Variants in FAM107A observed in about 807,000 individuals in gnomAD.
FAM107A encodes the protein actin-associated protein FAM107A.
Under a neutral mutation model 13.7 loss-of-function variants are expected in FAM107A, and 19 were observed. That is an observed-to-expected ratio of 1.38 (90% CI 0.97 to 2.03). The LOEUF is 2.03. Among genes scored for constraint, FAM107A ranks in the 30% most tolerant of loss-of-function variants. The pLI, the probability that FAM107A is intolerant of heterozygous loss-of-function variation, is 0.00. For synonymous variants in FAM107A, 82 were observed against 74.5 expected (o/e 1.10, Z -0.52); for missense variants, 203 against 184.4 (o/e 1.10, Z -0.58).
exon 1 of FAM107A, chr3:58,587,017 C>G: frequency 7.2e-7 from 1 of 1,388,184 alleles, no homozygotes; most frequent in Non-Finnish European, 9.3e-7. Context: ...GCCGAAGCGC[C>G]TCCGCGACGG....
rs186820381 is a variant in FAM107A, at chr3:58,616,483, G to C, written c.-70+10933C>G. Among the ~76,000 whole-genome samples, 10 of 150,612 alleles carry C rather than the reference G, an allele frequency of 6.6e-5. No individual in the cohort carries two copies. The East Asian group carries it at 2.0e-3, about 30-fold the overall frequency. ...AGTCAAGTTAAGATGAGGTCATTAG[G>C]GTAGGCCCTAATTGAATCTGACTGG... On this transcript the variant is annotated intron_variant, in intron 1 of 3. Coordinates refer to the FAM107A transcript ENST00000465970.
chr3:58,570,768 G>C (rs1228631486), intron 1 of FAM107A, among the ~76,000 whole-genome samples: 1 of 152,230 alleles, frequency 6.6e-6, no homozygotes, highest in Non-Finnish European at 1.5e-5. Context: ...TGCAGAGGTT[G>C]AGCTCCTATT....
chr3:58,582,987 T>C (rs150708235), intron 1 of FAM107A, among the ~76,000 whole-genome samples: 16,623 of 152,078 alleles, frequency 0.11, 1,047 homozygotes, highest in African/African-American at 0.16. Context: ...TTGGTAGAGA[T>C]GGGGTTTCAC....
rs1483550029 is a variant in FAM107A, at chr3:58,586,952, A to G, written c.-16T>C. ...TCTGCGCCATGCCCCCGCGCCTCCT[A>G]CTGCAGAGCCAGCACTGCTGGCCCC... On this transcript the variant is annotated 5_prime_UTR_variant, in exon 1 of 4. Coordinates refer to the FAM107A transcript ENST00000447756. 2.6e-6 allele frequency: 4 copies of G among 1,523,480 alleles called. No homozygotes were observed. The Admixed American group carries it at 6.0e-5, about 23-fold the overall frequency. 94.4% of individuals were successfully genotyped at this position (1,523,480 alleles called of 1,614,324 possible). A position where few individuals can be genotyped will look rare whatever the true frequency, so the allele number is the denominator to read the frequency against.
intron 3 of FAM107A, chr3:58,566,952 A>C: frequency 3.3e-6 from 2 of 609,806 alleles, no homozygotes; most frequent in Non-Finnish European, 5.8e-6. Flanking sequence ...GGCTCACAAG[A>C]CAGTTATAAG....
Position 58,604,765 on chromosome 3 carries a change from C to G in FAM107A, c.-69-15496G>C, listed in dbSNP as rs2065779278. 6.6e-6 allele frequency among the ~76,000 whole-genome samples: 1 copy of G among 152,190 alleles called. No homozygotes were observed. The highest frequency in any genetic ancestry group is 1.5e-5 in the Non-Finnish European group (1 of 68,036). On this transcript the variant is annotated intron_variant, in intron 1 of 3. Coordinates refer to the FAM107A transcript ENST00000465970. This position sits in a 1 kb window ranked among gnomAD's most constrained non-coding sequence, Gnocchi z 4.1. ...GCTTCAGGGTCTTCATCTACTAACT[C>G]TGACCTCCAGACCATCTTGGAGTTA...
chr3:58,611,495 T>C (rs2065853636), intron 1 of FAM107A, among the ~76,000 whole-genome samples: 1 of 152,224 alleles, frequency 6.6e-6, no homozygotes, highest in African/African-American at 2.4e-5. Context: ...TTCCGCATCA[T>C]CTGTTTATGG....
chr3:58,594,251 T>C (rs4681870), intron 1 of FAM107A, among the ~76,000 whole-genome samples: 50,555 of 151,998 alleles, frequency 0.33, 9,243 homozygotes, highest in East Asian at 0.62. Context: ...CTGCATTTCA[T>C]TCCATCCTTG....
chr3:58,615,644 C>G (rs1250366220), intron 1 of FAM107A, among the ~76,000 whole-genome samples: 1 of 151,992 alleles, frequency 6.6e-6, no homozygotes, highest in East Asian at 1.9e-4. Flanking sequence ...GCCTGTAATC[C>G]CAGCACTTTG....
intron 2 of FAM107A, among the ~76,000 whole-genome samples, chr3:58,568,250 C>T (rs1577018594): frequency 1.3e-5 from 2 of 152,170 alleles, no homozygotes; most frequent in Admixed American, 6.5e-5. Flanking sequence ...CTGGCTAACA[C>T]AGTGAAACCC....
rs1308854071 is a variant in FAM107A, at chr3:58,577,302, G to T, written c.-6+7C>A. On this transcript the variant is annotated splice_region_variant and intron_variant, in intron 1 of 3. Coordinates refer to ENST00000360997, the MANE Select transcript of FAM107A (RefSeq NM_001076778.3). The surrounding 1 kb of genome is among the most constrained non-coding windows in gnomAD (Gnocchi z 4.9). ...CAGCAGATGAAACAGAACAGAGATG[G>T]TCTTACTTCTCAGGTCGAGTCCTTG... The T allele has an allele frequency of 9.1e-6, 9 of 984,390 alleles. No homozygotes were observed. Among genetic ancestry groups the T allele is most frequent in the Non-Finnish European group, 1.1e-5 (9 of 829,022 alleles). 61.0% of individuals were successfully genotyped at this position (984,390 alleles called of 1,614,324 possible).
chr3:58,620,604 C>A (rs1037022869), intron 1 of FAM107A, among the ~76,000 whole-genome samples: 1 of 152,204 alleles, frequency 6.6e-6, no homozygotes, highest in Non-Finnish European at 1.5e-5. Flanking sequence ...AGAGGCGGTT[C>A]CAGGGCTGTG....
chr3:58,624,905 T>C (rs2065996778), intron 1 of FAM107A, among the ~76,000 whole-genome samples: 1 of 152,162 alleles, frequency 6.6e-6, no homozygotes, highest in South Asian at 2.1e-4. Flanking sequence ...AGGGGCTGTG[T>C]CTCCTCACCC....
chr3:58,583,529 G>A (rs1257234575), intron 1 of FAM107A, among the ~76,000 whole-genome samples: 7 of 151,940 alleles, frequency 4.6e-5, no homozygotes, highest in Non-Finnish European at 7.4e-5. Flanking sequence ...GGCTGAGGCA[G>A]GAGAGTTGCT....
At chr3:58,587,309 G>A (rs2065618523), upstream of FAM107A, among the ~76,000 whole-genome samples, 1 of 152,190 alleles carries the variant, frequency 6.6e-6, no homozygotes. Flanking sequence ...TACCAGCATG[G>A]GGTTCTGAAG....
At position 58,627,239 on chromosome 3, in the gene FAM107A, C is replaced by A. The variant is rs1027098460; in HGVS notation, c.-70+177G>T. 26 of 539,222 alleles carry A rather than the reference C, an allele frequency of 4.8e-5. No individual in the cohort carries two copies. In the South Asian group the frequency reaches 6.6e-4, roughly 14 times the overall value. 33.4% of individuals were successfully genotyped at this position (539,222 alleles called of 1,614,324 possible). On this transcript the variant is annotated intron_variant, in intron 1 of 3. Transcript: ENST00000465970. ...CCAGTGTCCCCAGGCGGCTTCTATG[C>A]CCTTCTTGGGTCCCTGCAGCTCCTC...
Position 58,565,930 on chromosome 3 carries a change from A to G in FAM107A, c.*658T>C, listed in dbSNP as rs1429882884. The stretch of plus-strand genomic sequence containing the variant: ...AGACTTCTGAGTGCAGGAATGCGGC[A>G]GCCCTGGGTAGGTGTGGTTAGAAGG... On this transcript the variant is annotated 3_prime_UTR_variant, in exon 4 of 4. Coordinates refer to ENST00000360997, the MANE Select transcript of FAM107A (RefSeq NM_001076778.3). The G allele has an allele frequency of 6.6e-6, 1 of 152,278 alleles. No homozygotes were observed. Among genetic ancestry groups the G allele is most frequent in the Non-Finnish European group, 1.5e-5 (1 of 68,076 alleles). 9.4% of individuals were successfully genotyped at this position (152,278 alleles called of 1,614,324 possible).
Position 58,614,468 on chromosome 3 carries a change from T to C in FAM107A, c.-70+12948A>G, listed in dbSNP as rs2065882502. Among the ~76,000 whole-genome samples the C allele has an allele frequency of 2.6e-5, 4 of 152,046 alleles. No individual in the cohort carries two copies. In the South Asian group the frequency reaches 8.3e-4, roughly 31 times the overall value. On this transcript the variant is annotated intron_variant, in intron 1 of 3. Transcript: ENST00000465970. ...CTCACCTATAAAACTGCTGTTCTGA[T>C]AGTAACTCATGATTCAATTTCTTAT... is the stretch of plus-strand genomic sequence containing the variant.
At chr3:58,594,742 C>T (rs2065683991) in intron 1 of FAM107A, among the ~76,000 whole-genome samples, 1 of 152,090 alleles carries the variant, frequency 6.6e-6, no homozygotes, top group East Asian at 1.9e-4. Flanking sequence ...CCTCCACTTA[C>T]TCACTGCTGA....
Sources: gnomAD v4.1 joint callset for allele counts (sites outside exome capture counted in the v4.1 genomes callset) on GRCh38, gnomAD v4.1.1 for gene constraint, Gnocchi (gnomAD v3.1) non-coding constraint, MANE v1.5 for transcripts, NCBI Gene and HGNC (gene_info 2026-07-23, HGNC 2026-07-21) for gene names.